The following DAAM1 variants were observed in gnomAD, a reference collection of about 807,000 sequenced individuals.
DAAM1 encodes the protein dishevelled associated activator of morphogenesis 1, also known as disheveled-associated activator of morphogenesis 1.
DAAM1 carries 52 observed loss-of-function variants against 130.0 expected under a neutral mutation model. The observed-to-expected ratio is 0.40, with a 90% confidence interval of 0.32 to 0.50. DAAM1 has a LOEUF of 0.50. Ranked by LOEUF, DAAM1 falls within the 20% of genes least tolerant of loss-of-function variation. The pLI is 0.61. For missense variants in DAAM1, 1,134 were observed against 1,303.8 expected, an observed-to-expected ratio of 0.87 and a Z score of 2.01; for synonymous variants, 452 against 444.5, an observed-to-expected ratio of 1.02 and a Z score of -0.21.
chr14:59,284,048 C>G (rs912611460), intron 2 of DAAM1, among the ~76,000 whole-genome samples: 2 of 152,102 alleles, frequency 1.3e-5, no homozygotes, highest in Non-Finnish European at 2.9e-5. Flanking sequence ...CCTCCCTGTT[C>G]AATCCTAAAT....
intron 12 of DAAM1, among the ~76,000 whole-genome samples, chr14:59,328,202 A>C (rs1356332286): frequency 6.6e-6 from 1 of 152,252 alleles, no homozygotes; most frequent in African/African-American, 2.4e-5. Flanking sequence ...AACTGATATC[A>C]GAAAATACCA....
rs572324266 is a variant in DAAM1, at chr14:59,310,893, G to A, written c.274-4387G>A. Among the ~76,000 whole-genome samples, 23 of 152,222 alleles carry A rather than the reference G, an allele frequency of 1.5e-4. No individual in the cohort carries two copies. The South Asian group carries it at 3.1e-3, about 21-fold the overall frequency. On this transcript the variant is annotated intron_variant, in intron 3 of 24. Transcript: ENST00000360909. ...TTGTGGTCTAGCGAACAACCGCAGAGCATGTCCTTTACAATTGATTGACCT... is the reference window on the plus strand; with the variant it reads ...TTGTGGTCTAGCGAACAACCGCAGAACATGTCCTTTACAATTGATTGACCT...
intron 1 of DAAM1, among the ~76,000 whole-genome samples, chr14:59,232,576 G>A (rs567161651): frequency 3.4e-4 from 52 of 151,816 alleles, no homozygotes; most frequent in African/African-American, 1.3e-3. Flanking sequence ...TGTCTCTACA[G>A]GTTTCAGAGG....
chr14:59,297,667 T>C (rs1000542717), intron 3 of DAAM1, among the ~76,000 whole-genome samples: 3 of 152,168 alleles, frequency 2.0e-5, no homozygotes, highest in African/African-American at 7.2e-5. Flanking sequence ...CAAAAATAAG[T>C]GACTACAGGA....
intron 1 of DAAM1, among the ~76,000 whole-genome samples, chr14:59,256,517 C>T (rs1881893640): frequency 6.6e-6 from 1 of 152,206 alleles, no homozygotes; most frequent in South Asian, 2.1e-4. Context: ...TATAGCATAG[C>T]ACTAGTCATC....
At position 59,324,139 on chromosome 14, in the gene DAAM1, C is replaced by A; in HGVS notation, c.786C>A (p.Asn262Lys). 1 of 1,399,486 alleles carries A rather than the reference C, an allele frequency of 7.1e-7. No individual in the cohort carries two copies. The allele number at this position is 1,399,486 out of a possible 1,614,324, so 86.7% of individuals were successfully genotyped here. Residue 262 changes from asparagine (N) to lysine (K), a missense_variant, in exon 7 of 25, where the codon AAC (asparagine) becomes AAA (lysine). By Grantham distance (94) the Asn-to-Lys change is moderately conservative. Around this residue, in one of 3 missense-constraint regions of DAAM1, gnomAD observed 391 missense variants for 521.6 expected, o/e 0.75. Coordinates refer to ENST00000360909, the MANE Select transcript of DAAM1 (RefSeq NM_001270520.2). Reference sequence around the variant, plus strand: ...TCTATTTTTGATAGACATTAATTAACGACTTGGATAAAAGCACTGGGCGGT... The same window carrying A: ...TCTATTTTTGATAGACATTAATTAAAGACTTGGATAAAAGCACTGGGCGGT... ...SERTRFQTLI[N>K]DLDKSTGRYR...
rs554318435 is a variant in DAAM1 at position 59,295,792 on chromosome 14, G to A, written c.273+4486G>A. ...TCCCAATATCTTTGTGAGAAAAGGGGTAAACTGGGAAGGGAAGCAGTGGCT... is the reference window on the plus strand; with the variant it reads ...TCCCAATATCTTTGTGAGAAAAGGGATAAACTGGGAAGGGAAGCAGTGGCT... On this transcript the variant is annotated intron_variant, in intron 3 of 24. Transcript: ENST00000360909. Among the ~76,000 whole-genome samples the A allele has an allele frequency of 2.6e-5, 4 of 152,296 alleles. No individual in the cohort carries two copies. The South Asian group carries it at 8.3e-4, about 32-fold the overall frequency.
intron 4 of DAAM1, among the ~76,000 whole-genome samples, chr14:59,316,291 A>G (rs555786644): frequency 6.6e-6 from 1 of 152,232 alleles, no homozygotes; most frequent in East Asian, 1.9e-4. Context: ...TATCACTCAA[A>G]ACAAGCATTT....
chr14:59,195,071 C>G (rs1208414190), intron 1 of DAAM1, among the ~76,000 whole-genome samples: 1 of 150,940 alleles, frequency 6.6e-6, no homozygotes, highest in Non-Finnish European at 1.5e-5. Flanking sequence ...GCTACACAAT[C>G]ATAAAATTTT....
chr14:59,275,632 G>A (rs1405687234), intron 2 of DAAM1, among the ~76,000 whole-genome samples: 2 of 152,102 alleles, frequency 1.3e-5, no homozygotes, highest in African/African-American at 4.8e-5. Context: ...CTAGTTTAAC[G>A]GTAAAAAAGC....
chr14:59,277,513 G>T (rs1009680695), intron 2 of DAAM1, among the ~76,000 whole-genome samples: 35 of 150,412 alleles, frequency 2.3e-4, no homozygotes, highest in Non-Finnish European at 4.4e-4. Flanking sequence ...TTATAAATAT[G>T]TAAAATATAT....
At chr14:59,193,499 AG>A (rs1887795396) in intron 1 of DAAM1, among the ~76,000 whole-genome samples, 1 of 152,154 alleles carries the variant, frequency 6.6e-6, no homozygotes, top group East Asian at 1.9e-4. Flanking sequence ...TTCTAGGAGC[AG>A]GGGGAGAACA....
chr14:59,235,704 C>T (rs548677858), intron 1 of DAAM1, among the ~76,000 whole-genome samples: 5 of 152,122 alleles, frequency 3.3e-5, no homozygotes, highest in African/African-American at 1.2e-4. Flanking sequence ...TTTGCTCTTG[C>T]TTCTCTAGTT....
intron 16 of DAAM1, among the ~76,000 whole-genome samples, chr14:59,340,800 T>C (rs1885814699): frequency 6.6e-6 from 1 of 152,226 alleles, no homozygotes; most frequent in Admixed American, 6.5e-5. Flanking sequence ...GGCAATGTTG[T>C]CAGGTTTTTC....
At chr14:59,217,483 CAT>C (rs1888619857) in intron 1 of DAAM1, among the ~76,000 whole-genome samples, 1 of 152,092 alleles carries the variant, frequency 6.6e-6, no homozygotes, top group South Asian at 2.1e-4. Context: ...TAAGATATAA[CAT>C]GTCTATGCTG....
At chr14:59,220,750 A>G (rs574582042) in intron 1 of DAAM1, among the ~76,000 whole-genome samples, 2 of 152,286 alleles carry the variant, frequency 1.3e-5, no homozygotes, top group African/African-American at 2.4e-5. Flanking sequence ...ACCAGAGCCA[A>G]AGACCTAAGA....
At chr14:59,231,482 A>G (rs1889104736) in intron 1 of DAAM1, among the ~76,000 whole-genome samples, 2 of 152,184 alleles carry the variant, frequency 1.3e-5, no homozygotes, top group South Asian at 2.1e-4. Flanking sequence ...AAGTCGAGCT[A>G]TTTGGCAATT....
At chr14:59,241,400 A>C (rs2139461732) in intron 1 of DAAM1, among the ~76,000 whole-genome samples, 1 of 152,338 alleles carries the variant, frequency 6.6e-6, no homozygotes, top group South Asian at 2.1e-4. Flanking sequence ...AATTAAGTAG[A>C]GTGAAAAGGA....
chr14:59,272,645 A>G (rs1882772452), intron 2 of DAAM1, among the ~76,000 whole-genome samples: 1 of 150,120 alleles, frequency 6.7e-6, no homozygotes, highest in Non-Finnish European at 1.5e-5. Context: ...ACACATATAT[A>G]TGTATGTATG....
Sources: gnomAD v4.1 joint callset for allele counts (sites outside exome capture counted in the v4.1 genomes callset) on GRCh38, gnomAD v4.1.1 for gene constraint, gnomAD v4.1.1 regional missense constraint, MANE v1.5 for transcripts, NCBI Gene and HGNC (gene_info 2026-07-23, HGNC 2026-07-21) for gene names.